Variants in ARMH2 observed in about 807,000 individuals in gnomAD.
ARMH2 encodes the protein armadillo like helical domain containing 2.
A neutral mutation model predicts 9.0 loss-of-function variants in ARMH2; 5 were observed. The ratio of observed to expected loss-of-function variants is 0.56; its 90% confidence interval spans 0.29 to 1.17. The LOEUF (loss-of-function observed/expected upper bound fraction) is 1.17. ARMH2 is among the 50% of genes most tolerant of loss of function. The pLI is 0.08. For missense variants in ARMH2, 236 were observed against 268.3 expected (o/e 0.88, Z 0.84); for synonymous variants, 74 against 93.1 (o/e 0.79, Z 1.18).
chr6:24,797,981 C>T, intron 1 of ARMH2, 144 bp from the exon 2 acceptor site: 1 of 861,184 alleles, frequency 1.2e-6, no homozygotes, highest in Non-Finnish European at 1.7e-6. Context: ...TTTCCCCCAC[C>T]TCCCACGCTG....
chr6:24,798,743 C>CA lies in ARMH2; in HGVS notation c.114dup (p.Val39CysfsTer2). 1.3e-6 allele frequency: 2 copies of CA among 1,534,968 alleles called. No homozygotes were observed. The highest frequency in any genetic ancestry group is 1.7e-6 in the Non-Finnish European group (2 of 1,146,604). Reference sequence around the variant, plus strand: ...GGGATTTTTTTTTCCTTCTTCTTAACAAAAAAGCCCTTAACAGTGACACGC... The same window carrying CA: ...GGGATTTTTTTTTCCTTCTTCTTAACAAAAAAAGCCCTTAACAGTGACACGC... On this transcript the variant is annotated frameshift_variant, in exon 1 of 2. Transcript: ENST00000565469. LOFTEE classifies it high-confidence loss of function.
Position 24,798,620 on chromosome 6 carries a change from G to C in ARMH2, c.238C>G (p.Gln80Glu). The C allele has an allele frequency of 6.5e-7, 1 of 1,534,918 alleles. No homozygotes were observed. The highest frequency in any genetic ancestry group is 8.7e-7 in the Non-Finnish European group (1 of 1,146,600). ...LPIEKRAQAA[Q>E]KIGLLAFTGG... ...GTGAAGGCCAGCAGTCCAATTTTCTGGGCAGCTTGAGCTCTCTTCTCAATG... is the reference window on the plus strand; with the variant it reads ...GTGAAGGCCAGCAGTCCAATTTTCTCGGCAGCTTGAGCTCTCTTCTCAATG... Residue 80 changes from glutamine (Q) to glutamate (E), a missense_variant, in exon 1 of 2, where the codon CAG becomes GAG. Physicochemically the swap from Gln to Glu is conservative, Grantham distance 29 (BLOSUM62 2). Coordinates refer to ENST00000565469, the MANE Select transcript of ARMH2 (RefSeq NM_001282492.2).
chr6:24,798,730 T>C lies in ARMH2; in HGVS notation c.128A>G (p.Glu43Gly). ...TVKGFFVKKK[E>G]KKIPSAETYF... is the part of the protein sequence containing the mutation. ...AGTCTCAGCTGAAGGGATTTTTTTT[T>C]CCTTCTTCTTAACAAAAAAGCCCTT... Residue 43 changes from glutamate to glycine, a missense_variant, in exon 1 of 2, where the codon GAA (glutamate) becomes GGA (glycine). Coordinates refer to ENST00000565469, the MANE Select transcript of ARMH2 (RefSeq NM_001282492.2). 2.0e-6 allele frequency: 3 copies of C among 1,534,980 alleles called. No homozygotes were observed. The highest frequency in any genetic ancestry group is 2.6e-6 in the Non-Finnish European group (3 of 1,146,506).
chr6:24,798,139 G>A (rs770710318), intron 1 of ARMH2, among the ~76,000 whole-genome samples: 1 of 151,280 alleles, frequency 6.6e-6, no homozygotes, highest in Non-Finnish European at 1.5e-5. Context: ...TTTTTGAGAC[G>A]GAGTTTTGCT....
chr6:24,797,380 AG>A lies in ARMH2; in HGVS notation c.*29del. ...CAGTTTTCCAGGGTAATACACAGAG[AG>A]CTGCAACATGTAACTGGATTTAGAG... On this transcript the variant is annotated 3_prime_UTR_variant, in exon 2 of 2. Transcript: ENST00000565469. The A allele has an allele frequency of 6.6e-7, 1 of 1,513,188 alleles. No individual in the cohort carries two copies. Among genetic ancestry groups the A allele is most frequent in the East Asian group, 2.5e-5 (1 of 40,672 alleles). The allele number at this position is 1,513,188 out of a possible 1,614,324, so 93.7% of individuals were successfully genotyped here. A position where few individuals can be genotyped will look rare whatever the true frequency, so the allele number is the denominator to read the frequency against.
rs762944903 is a variant in ARMH2, at chr6:24,797,434, G to A, written c.669C>T (p.Phe223=). The part of the protein sequence containing the change: ...WTENFAEVLY[F]LIGFHRN ...ACTAATTCCTATGAAAACCAATTAG[G>A]AAATACAGCACCTCTGCAAAATTCT... is the stretch of plus-strand genomic sequence containing the variant. The change falls in exon 2 of 2, where the codon TTC becomes TTT. Residue 223 remains phenylalanine, a synonymous_variant. Coordinates refer to ENST00000565469, the MANE Select transcript of ARMH2 (RefSeq NM_001282492.2). The A allele has an allele frequency of 3.3e-6, 5 of 1,533,788 alleles. No homozygotes were observed. The highest frequency in any genetic ancestry group is 2.4e-5 in the South Asian group (2 of 83,984).
At position 24,797,644 on chromosome 6, in the gene ARMH2, T is replaced by G. The variant is rs899852482; in HGVS notation, c.459A>C (p.Glu153Asp). The G allele has an allele frequency of 6.5e-7, 1 of 1,535,382 alleles. No homozygotes were observed. The highest frequency in any genetic ancestry group is 1.4e-5 in the African/African-American group (1 of 73,050). The change falls in exon 2 of 2, where the codon GAA becomes GAC. Residue 153 changes from glutamate to aspartate, a missense_variant. Glu to Asp is a conservative substitution (Grantham distance 45). Coordinates refer to ENST00000565469, the MANE Select transcript of ARMH2 (RefSeq NM_001282492.2). ...TTTTGATAGTAGACTCGAATCTGCC[T>G]TCAAAAAAACTAATGAGAATAGGAA... ...QFIPILISFF[E>D]GRFESTIKSE...
rs779047322 is a variant in ARMH2, at chr6:24,798,832, G to A, written c.26C>T (p.Thr9Met). 2.2e-5 allele frequency: 34 copies of A among 1,534,398 alleles called. No homozygotes were observed. The highest frequency in any genetic ancestry group is 4.8e-5 in the South Asian group (4 of 83,948). ...CCCATACATCTTAACCCAAATTTGCGTACAAGAAAATCGGCTGTTAGCCAT... is the reference window on the plus strand; with the variant it reads ...CCCATACATCTTAACCCAAATTTGCATACAAGAAAATCGGCTGTTAGCCAT... MANSRFSC[T>M]QIWVKMYGYF... Residue 9 changes from threonine (T) to methionine (M), a missense_variant, in exon 1 of 2, where the codon ACG becomes ATG. By Grantham distance (81) the Thr-to-Met change is moderately conservative (BLOSUM62 -1). Coordinates refer to ENST00000565469, the MANE Select transcript of ARMH2 (RefSeq NM_001282492.2).
chr6:24,798,787 C>A lies in ARMH2; in HGVS notation c.71G>T (p.Arg24Leu), dbSNP rs1471065382. ...GACACGCCAGAATTTCTGGAGACGC[C>A]GACACAGCCCCGCAAAATACCCATA... ...KMYGYFAGLC[R>L]RLQKFWRVTV... The change falls in exon 1 of 2, where the codon CGG (arginine) becomes CTG (leucine). Residue 24 changes from arginine to leucine, a missense_variant. Coordinates refer to ENST00000565469, the MANE Select transcript of ARMH2 (RefSeq NM_001282492.2). The A allele has an allele frequency of 6.5e-7, 1 of 1,535,326 alleles. No individual in the cohort carries two copies. The highest frequency in any genetic ancestry group is 1.2e-5 in the South Asian group (1 of 84,044).
intron 1 of ARMH2, among the ~76,000 whole-genome samples, 178 bp from the exon 2 acceptor site, chr6:24,798,015 G>A (rs1392331613): frequency 1.3e-5 from 2 of 152,160 alleles, no homozygotes; most frequent in African/African-American, 4.8e-5. Context: ...CAGAAAGTGT[G>A]TGTTGATAAG....
At position 24,798,810 on chromosome 6, in the gene ARMH2, A is replaced by G. The variant is rs1166488341; in HGVS notation, c.48T>C (p.Tyr16=). The change falls in exon 1 of 2, where the codon TAT becomes TAC. Residue 16 remains tyrosine, a synonymous_variant. Coordinates refer to ENST00000565469, the MANE Select transcript of ARMH2 (RefSeq NM_001282492.2). ...GCCGACACAGCCCCGCAAAATACCC[A>G]TACATCTTAACCCAAATTTGCGTAC... ...FSCTQIWVKM[Y]GYFAGLCRRL... 2.0e-6 allele frequency: 3 copies of G among 1,535,348 alleles called. No homozygotes were observed. Among genetic ancestry groups the G allele is most frequent in the East Asian group, 2.4e-5 (1 of 40,906 alleles).
chr6:24,798,550 T>A (rs1239696220), intron 1 of ARMH2, 43 bp downstream of exon 1: 1 of 1,484,744 alleles, frequency 6.7e-7, no homozygotes, highest in Non-Finnish European at 8.9e-7. Flanking sequence ...ATAAAATGAG[T>A]GTCGTGAAAC....
At chr6:24,798,320 G>A (rs1780511546) in intron 1 of ARMH2, among the ~76,000 whole-genome samples, 1 of 152,060 alleles carries the variant, frequency 6.6e-6, no homozygotes, top group Non-Finnish European at 1.5e-5. Flanking sequence ...GTTTCACCAT[G>A]TTGATCAGCT....
chr6:24,798,840 A>G lies in ARMH2; in HGVS notation c.18T>C (p.Phe6=), dbSNP rs1454699729. Reference sequence around the variant, plus strand: ...TCTTAACCCAAATTTGCGTACAAGAAAATCGGCTGTTAGCCATTGTGTAAA... The same window carrying G: ...TCTTAACCCAAATTTGCGTACAAGAGAATCGGCTGTTAGCCATTGTGTAAA... MANSR[F]SCTQIWVKMY... The change falls in exon 1 of 2, where the codon TTT becomes TTC. Residue 6 remains phenylalanine (F), a synonymous_variant. Transcript: ENST00000565469. 3.9e-6 allele frequency: 6 copies of G among 1,534,594 alleles called. No individual in the cohort carries two copies. The highest frequency in any genetic ancestry group is 5.2e-6 in the Non-Finnish European group (6 of 1,146,370).
rs755503881 is a variant in ARMH2, at chr6:24,798,761, T to C, written c.97A>G (p.Thr33Ala). Residue 33 changes from threonine to alanine, a missense_variant, in exon 1 of 2, where the codon ACT becomes GCT. By Grantham distance (58) the Thr-to-Ala change is moderately conservative (BLOSUM62 0). Coordinates refer to ENST00000565469, the MANE Select transcript of ARMH2 (RefSeq NM_001282492.2). ...CRRLQKFWRV[T>A]VKGFFVKKKE... Reference sequence around the variant, plus strand: ...TTCTTAACAAAAAAGCCCTTAACAGTGACACGCCAGAATTTCTGGAGACGC... The same window carrying C: ...TTCTTAACAAAAAAGCCCTTAACAGCGACACGCCAGAATTTCTGGAGACGC... 2.9e-4 allele frequency: 450 copies of C among 1,535,166 alleles called. 3 individuals carry two copies. The highest frequency in any genetic ancestry group is 5.7e-5 in the Non-Finnish European group (65 of 1,146,712).
chr6:24,798,562 C>A, intron 1 of ARMH2, 31 bp downstream of exon 1: 1 of 1,498,038 alleles, frequency 6.7e-7, no homozygotes, highest in Non-Finnish European at 8.9e-7. Context: ...TCGTGAAACA[C>A]TCATTTTAGC....
In ARMH2 at chr6:24,797,375, CAGAG is replaced by C. The variant is rs1780495397; in HGVS notation, c.*31_*34del. On this transcript the variant is annotated 3_prime_UTR_variant, in exon 2 of 2. Transcript: ENST00000565469. The stretch of plus-strand genomic sequence containing the variant: ...TATTTCAGTTTTCCAGGGTAATACA[CAGAG>C]AGCTGCAACATGTAACTGGATTTAG... 1 of 1,503,242 alleles carries C rather than the reference CAGAG, an allele frequency of 6.7e-7. No individual in the cohort carries two copies. The highest frequency in any genetic ancestry group is 1.4e-5 in the African/African-American group (1 of 71,916). The allele number at this position is 1,503,242 out of a possible 1,614,324, so 93.1% of individuals were successfully genotyped here.
In ARMH2 at chr6:24,797,529, G is replaced by C. The variant is rs1469461171; in HGVS notation, c.574C>G (p.Leu192Val). ...TCNNLSCVKELKDHSALKYHL... is the reference protein window; with the variant it reads ...TCNNLSCVKEVKDHSALKYHL... ...TATTTTAGAGCACTGTGGTCTTTAAGCTCCTTGACGCAAGACAAGTTATTG... is the reference window on the plus strand; with the variant it reads ...TATTTTAGAGCACTGTGGTCTTTAACCTCCTTGACGCAAGACAAGTTATTG... Residue 192 changes from leucine to valine, a missense_variant, in exon 2 of 2, where the codon CTT becomes GTT. Physicochemically the swap from Leu to Val is conservative, Grantham distance 32. Transcript: ENST00000565469. 6.5e-7 allele frequency: 1 copy of C among 1,535,480 alleles called. No homozygotes were observed. Among genetic ancestry groups the C allele is most frequent in the South Asian group, 1.2e-5 (1 of 84,058 alleles).
Position 24,798,778 on chromosome 6 carries a change from T to TGGAGACGCC in ARMH2, c.71_79dup (p.Arg24_Leu26dup). 2.0e-6 allele frequency: 3 copies of TGGAGACGCC among 1,535,448 alleles called. No individual in the cohort carries two copies. Among genetic ancestry groups the TGGAGACGCC allele is most frequent in the Non-Finnish European group, 2.6e-6 (3 of 1,146,732 alleles). ...CTTAACAGTGACACGCCAGAATTTC[T>TGGAGACGCC]GGAGACGCCGACACAGCCCCGCAAA... is the stretch of plus-strand genomic sequence containing the variant. On this transcript the variant is annotated inframe_insertion, in exon 1 of 2. Transcript: ENST00000565469.
Sources: allele counts gnomAD v4.1 joint callset (sites outside exome capture counted in the v4.1 genomes callset), GRCh38; gene constraint gnomAD v4.1.1; transcripts MANE v1.5; gene names NCBI Gene and HGNC (gene_info 2026-07-23, HGNC 2026-07-21).